The following TGDS variants were observed in gnomAD, a reference collection of about 807,000 sequenced individuals.
TGDS encodes TDP-glucose 4,6-dehydratase.
Under a neutral mutation model 52.3 loss-of-function variants are expected in TGDS, and 47 were observed. That is an observed-to-expected ratio of 0.90 (90% CI 0.71 to 1.15). The LOEUF (loss-of-function observed/expected upper bound fraction) is 1.15, where lower values mean the gene tolerates loss of function less well. Ranked by LOEUF, TGDS falls within the 50% of genes most tolerant of loss-of-function variation. The probability of loss-of-function intolerance (pLI) is 0.00; values close to 1 mark genes in which losing one functional copy is unlikely to be tolerated. For synonymous variants in TGDS, 115 were observed against 136.9 expected, an observed-to-expected ratio of 0.84 and a Z score of 1.12; for missense variants, 375 against 418.4, an observed-to-expected ratio of 0.90 and a Z score of 0.90.
chr13:94,589,417 C>T (rs533545127), intron 4 of TGDS, among the ~76,000 whole-genome samples: 67 of 151,968 alleles, frequency 4.4e-4, no homozygotes, highest in African/African-American at 1.6e-3. Context: ...CGGGTTCACG[C>T]CATTCTCCTG....
In TGDS at chr13:94,586,067, A is replaced by AT. The variant is rs773375519; in HGVS notation, c.314-2832dup. ...AGCAAGCAGTTTTTTAAAATAAACA[A>AT]TTTTTTACAAAGGAATAATTCTTTT... On this transcript the variant is annotated intron_variant, in intron 4 of 11. Coordinates refer to ENST00000261296, the MANE Select transcript of TGDS (RefSeq NM_014305.4). Among the ~76,000 whole-genome samples, 26 of 152,250 alleles carry AT rather than the reference A, an allele frequency of 1.7e-4. 2 individuals carry two copies. In the South Asian group the frequency reaches 3.1e-3, roughly 18 times the overall value.
intron 4 of TGDS, 96 bp from the exon 5 acceptor site, chr13:94,583,332 GTTC>G (rs1288837476): frequency 2.4e-6 from 3 of 1,267,178 alleles, no homozygotes; most frequent in Non-Finnish European, 3.2e-6. Flanking sequence ...ACTAGTCACT[GTTC>G]TTCATTTACC....
chr13:94,595,126 GC>G (rs1359823807), intron 1 of TGDS, among the ~76,000 whole-genome samples: 1 of 152,138 alleles, frequency 6.6e-6, no homozygotes, highest in Non-Finnish European at 1.5e-5. Flanking sequence ...TCTCTGAGGT[GC>G]TATCTGAATA....
chr13:94,592,434 G>T, intron 2 of TGDS, 125 bp from the exon 3 acceptor site: 1 of 713,446 alleles, frequency 1.4e-6, no homozygotes, highest in Non-Finnish European at 2.2e-6. Flanking sequence ...TCCTCTTAAA[G>T]TGTGTTTGCT....
At chr13:94,586,319 A>G (rs1389505220) in intron 4 of TGDS, among the ~76,000 whole-genome samples, 1 of 152,248 alleles carries the variant, frequency 6.6e-6, no homozygotes, top group Non-Finnish European at 1.5e-5. Context: ...AAAAGATGGA[A>G]AAAGTATCAT....
In TGDS at chr13:94,596,024, T is replaced by C. The variant is rs576365464; in HGVS notation, c.86+27A>G. ...AAGGTAGGGGTTTCTGGGGAGCCAC[T>C]GCTTGGCTAGCGGCGCCATTACCTA... On this transcript the variant is annotated intron_variant, in intron 1 of 11. Coordinates refer to ENST00000261296, the MANE Select transcript of TGDS (RefSeq NM_014305.4). The C allele has an allele frequency of 1.9e-6, 3 of 1,613,606 alleles. No individual in the cohort carries two copies. In the East Asian group the frequency reaches 6.7e-5, roughly 36 times the overall value.
chr13:94,596,168 G>A (rs1219149618), upstream of TGDS: 2 of 1,604,458 alleles, frequency 1.2e-6, no homozygotes, highest in African/African-American at 1.3e-5. Flanking sequence ...GTACCGTAAA[G>A]AGTATGGTCT....
At chr13:94,587,789 A>C (rs1889043590) in intron 4 of TGDS, among the ~76,000 whole-genome samples, 3 of 149,664 alleles carry the variant, frequency 2.0e-5, no homozygotes, top group Admixed American at 6.6e-5. Flanking sequence ...CGAGGTCAGG[A>C]GATCGAGACC....
At chr13:94,596,236 C>T (rs528191718), upstream of TGDS, 60 of 1,316,636 alleles carry the variant, frequency 4.6e-5, no homozygotes, top group African/African-American at 4.8e-4. Flanking sequence ...TCGCGGGACA[C>T]GTTAACAGAG....
rs371398995 is a variant in TGDS at position 94,574,759 on chromosome 13, T to C, written c.*23A>G. 1 of 1,495,430 alleles carries C rather than the reference T, an allele frequency of 6.7e-7. No homozygotes were observed. Among genetic ancestry groups the C allele is most frequent in the African/African-American group, 1.4e-5 (1 of 71,420 alleles). The allele number at this position is 1,495,430 out of a possible 1,614,324, so 92.6% of individuals were successfully genotyped here. A position where few individuals can be genotyped will look rare whatever the true frequency, so the allele number is the denominator to read the frequency against. ...TAGGATAACTTTCTTCTTTGACAACTGTCTCGACTATATAAATGGTGATTA... is the reference window on the plus strand; with the variant it reads ...TAGGATAACTTTCTTCTTTGACAACCGTCTCGACTATATAAATGGTGATTA... On this transcript the variant is annotated 3_prime_UTR_variant, in exon 12 of 12. Coordinates refer to ENST00000261296, the MANE Select transcript of TGDS (RefSeq NM_014305.4).
At chr13:94,579,024 C>T (rs1348844931) in intron 7 of TGDS, among the ~76,000 whole-genome samples, 1 of 152,064 alleles carries the variant, frequency 6.6e-6, no homozygotes, top group South Asian at 2.1e-4. Context: ...AAGTCTTCAT[C>T]AGACAGTTGG....
chr13:94,577,739 G>A (rs1348792131), intron 9 of TGDS, among the ~76,000 whole-genome samples: 1 of 151,926 alleles, frequency 6.6e-6, no homozygotes, highest in African/African-American at 2.4e-5. Flanking sequence ...ACTGTTACTT[G>A]TTTTAAGACA....
At chr13:94,578,339 T>A (rs979468105) in intron 8 of TGDS, among the ~76,000 whole-genome samples, 169 bp from the exon 9 acceptor site, 1 of 151,742 alleles carries the variant, frequency 6.6e-6, no homozygotes, top group Non-Finnish European at 1.5e-5. Context: ...TATTTCTTAA[T>A]CTCCAAACCT....
At position 94,588,125 on chromosome 13, in the gene TGDS, G is replaced by C. The variant is rs890435618; in HGVS notation, c.313+2728C>G. Among the ~76,000 whole-genome samples the C allele has an allele frequency of 4.0e-5, 6 of 151,876 alleles. 1 individual carries two copies. The highest frequency in any genetic ancestry group is 2.9e-5 in the Non-Finnish European group (2 of 67,992). On this transcript the variant is annotated intron_variant, in intron 4 of 11. Transcript: ENST00000261296. ...AAGACACCATTGAAAACGGGAAAAG[G>C]CTGGGCGTGGTGGCTCACGCCTGTA...
rs201366761 is a variant in TGDS at position 94,596,014 on chromosome 13, G to A, written c.86+37C>T. On this transcript the variant is annotated intron_variant, in intron 1 of 11. Transcript: ENST00000261296. ...GCTGCGGGAAAAGGTAGGGGTTTCTGGGGAGCCACTGCTTGGCTAGCGGCG... is the reference window on the plus strand; with the variant it reads ...GCTGCGGGAAAAGGTAGGGGTTTCTAGGGAGCCACTGCTTGGCTAGCGGCG... The A allele has an allele frequency of 3.2e-5, 52 of 1,610,794 alleles. No homozygotes were observed. The Admixed American group carries it at 8.7e-4, about 27-fold the overall frequency.
chr13:94,589,349 C>T (rs1247044141), intron 4 of TGDS, among the ~76,000 whole-genome samples: 3 of 146,086 alleles, frequency 2.1e-5, no homozygotes, highest in Admixed American at 6.9e-5. Context: ...TGGAGTCTCT[C>T]TGTCACCCAG....
intron 10 of TGDS, 49 bp downstream of exon 10, chr13:94,577,322 G>T: frequency 7.2e-7 from 1 of 1,387,608 alleles, no homozygotes. Flanking sequence ...AATTTTATAA[G>T]TACCTAAGAT....
At chr13:94,591,265 A>T (rs1017034415) in intron 3 of TGDS, among the ~76,000 whole-genome samples, 5 of 152,196 alleles carry the variant, frequency 3.3e-5, no homozygotes, top group African/African-American at 1.2e-4. Context: ...AGCACTTTTT[A>T]AAAAACCTTT....
chr13:94,583,298 G>A lies in TGDS; in HGVS notation c.314-62C>T, dbSNP rs1237088361. On this transcript the variant is annotated intron_variant, in intron 4 of 11. Transcript: ENST00000261296. ...CCAACGGATAAAACAAATGCCAAAT[G>A]ATGGACTCAGGTTTAAGGAGAGTAC... 3.2e-6 allele frequency: 5 copies of A among 1,551,986 alleles called. No individual in the cohort carries two copies. In the African/African-American group the frequency reaches 6.9e-5, roughly 21 times the overall value.
Sources: gnomAD v4.1 joint callset for allele counts (sites outside exome capture counted in the v4.1 genomes callset) on GRCh38, gnomAD v4.1.1 for gene constraint, MANE v1.5 for transcripts, NCBI Gene and HGNC (gene_info 2026-07-23, HGNC 2026-07-21) for gene names.